BIRC6: variants seen among roughly 807,000 people sequenced by gnomAD.
The protein encoded by BIRC6 is dual E2 ubiquitin-conjugating enzyme/E3 ubiquitin-protein ligase BIRC6.
BIRC6 carries 98 observed loss-of-function variants against 503.3 expected under a neutral mutation model. The observed-to-expected ratio is 0.19, with a 90% confidence interval of 0.17 to 0.23. The LOEUF (loss-of-function observed/expected upper bound fraction) is 0.23. Ranked by LOEUF, BIRC6 falls within the 10% of genes least tolerant of loss-of-function variation. The probability of loss-of-function intolerance (pLI) is 1.00; values close to 1 mark genes in which losing one functional copy is unlikely to be tolerated. For synonymous variants in BIRC6, 2,240 were observed against 2,078.7 expected, an observed-to-expected ratio of 1.08 and a Z score of -2.11; for missense variants, 5,360 against 5,806.0, an observed-to-expected ratio of 0.92 and a Z score of 2.50.
At chr2:32,384,073 A>G (rs527576649) in intron 3 of BIRC6, among the ~76,000 whole-genome samples, 23 of 152,308 alleles carry the variant, frequency 1.5e-4, no homozygotes, top group Admixed American at 7.2e-4. Context: ...ACCCACTTCA[A>G]TGGAAGTGTT....
intron 65 of BIRC6, chr2:32,564,677 A>G (rs1247085422): frequency 6.6e-6 from 1 of 152,178 alleles, no homozygotes; most frequent in Non-Finnish European, 1.5e-5. Flanking sequence ...TCTCTGCCCC[A>G]TGAGTGGGGG....
intron 62 of BIRC6, among the ~76,000 whole-genome samples, chr2:32,544,859 A>G (rs1407365444): frequency 1.3e-5 from 2 of 151,918 alleles, no homozygotes; most frequent in Non-Finnish European, 2.9e-5. Context: ...GGAATTTCTA[A>G]TTACTTGATC....
chr2:32,421,112 CTT>C (rs779700746), intron 10 of BIRC6, among the ~76,000 whole-genome samples: 45 of 132,186 alleles, frequency 3.4e-4, no homozygotes, highest in Admixed American at 4.6e-4. Context: ...TTCTTTCTTT[CTT>C]TTTTTTTTTT....
At chr2:32,480,659 G>A (rs1416713602) in intron 37 of BIRC6, among the ~76,000 whole-genome samples, 1 of 44,956 alleles carries the variant, frequency 2.2e-5, no homozygotes, top group East Asian at 1.3e-3. Context: ...TTTTTTTTTT[G>A]AGACGGAGTC....
rs2056121000 is a variant in BIRC6, at chr2:32,524,895, A to G, written c.11631A>G (p.Pro3877=). The stretch of plus-strand genomic sequence containing the variant: ...GATAATATCTTCTTACAGATACTCC[A>G]AGTATCACAGCTAAATTAATTAGTG... The part of the protein sequence containing the change: ...SDVLDRVSDT[P]SITAKLISEQ... Residue 3877 remains proline (P), a synonymous_variant, in exon 58 of 74, where the codon CCA becomes CCG. Coordinates refer to ENST00000421745, the MANE Select transcript of BIRC6 (RefSeq NM_016252.4). The G allele has an allele frequency of 2.7e-6, 4 of 1,468,378 alleles. No homozygotes were observed. The highest frequency in any genetic ancestry group is 1.4e-5 in the South Asian group (1 of 73,844). The allele number at this position is 1,468,378 out of a possible 1,614,324, so 91.0% of individuals were successfully genotyped here. A position where few individuals can be genotyped will look rare whatever the true frequency, so the allele number is the denominator to read the frequency against.
chr2:32,613,233 C>G (rs1334295969), intron 73 of BIRC6, among the ~76,000 whole-genome samples: 3 of 152,026 alleles, frequency 2.0e-5, no homozygotes, highest in Middle Eastern at 3.4e-3. Context: ...CTGTCTCTCT[C>G]TGCCACTCAG....
At chr2:32,545,957 T>G in intron 63 of BIRC6, 97 bp downstream of exon 63, 2 of 1,100,052 alleles carry the variant, frequency 1.8e-6, no homozygotes, top group African/African-American at 1.6e-5. Context: ...TTCAGAGACT[T>G]GGGTGTTCCA....
chr2:32,483,888 A>T (rs913529017), intron 39 of BIRC6, among the ~76,000 whole-genome samples: 1 of 152,200 alleles, frequency 6.6e-6, no homozygotes, highest in Non-Finnish European at 1.5e-5. Context: ...TAACCACTTG[A>T]TGAATGAGTT....
rs184663110 is a variant in BIRC6 at position 32,581,890 on chromosome 2, T to C, written c.13355+6524T>C. ...TGTATTTATTTATTTTGAGACGGAG[T>C]CTTACTCTGTCACCCAGGATGGAGA... is the stretch of plus-strand genomic sequence containing the variant. On this transcript the variant is annotated intron_variant, in intron 66 of 73. Transcript: ENST00000421745. Among the ~76,000 whole-genome samples, 5 of 152,150 alleles carry C rather than the reference T, an allele frequency of 3.3e-5. No homozygotes were observed. In the East Asian group the frequency reaches 9.7e-4, roughly 29 times the overall value.
intron 22 of BIRC6, among the ~76,000 whole-genome samples, chr2:32,450,121 C>G (rs531292515): frequency 3.9e-5 from 6 of 152,146 alleles, no homozygotes; most frequent in African/African-American, 1.4e-4. Context: ...AAGGTTCATT[C>G]CAAGCTCTGA....
intron 55 of BIRC6, among the ~76,000 whole-genome samples, chr2:32,516,698 T>C (rs1280500672): frequency 6.6e-6 from 1 of 151,984 alleles, no homozygotes; most frequent in Non-Finnish European, 1.5e-5. Flanking sequence ...TTATTATTTA[T>C]CATAATAAAT....
chr2:32,497,682 A>G (rs1464145976), intron 45 of BIRC6, among the ~76,000 whole-genome samples: 1 of 151,986 alleles, frequency 6.6e-6, no homozygotes, highest in African/African-American at 2.4e-5. Context: ...TTCATTTCTG[A>G]TGTTGGTAAT....
chr2:32,591,443 G>C (rs2061375602), intron 66 of BIRC6, among the ~76,000 whole-genome samples: 2 of 151,988 alleles, frequency 1.3e-5, no homozygotes, highest in African/African-American at 4.8e-5. Context: ...TTTAAAAGTG[G>C]ATTTAGGAAA....
At chr2:32,512,876 A>G in intron 53 of BIRC6, 57 bp from the exon 54 acceptor site, 3 of 1,351,420 alleles carry the variant, frequency 2.2e-6, no homozygotes, top group Non-Finnish European at 3.2e-6. Context: ...ATTTATCTAT[A>G]TGAAATGCCA....
intron 3 of BIRC6, among the ~76,000 whole-genome samples, chr2:32,387,007 A>C (rs2038569196): frequency 6.6e-6 from 1 of 152,206 alleles, no homozygotes; most frequent in Non-Finnish European, 1.5e-5. Flanking sequence ...CTTTGGGCTG[A>C]AACTTTATTA....
Position 32,505,032 on chromosome 2 carries a change from C to T in BIRC6, c.9527C>T (p.Ala3176Val), listed in dbSNP as rs1169009104. 1 of 1,613,698 alleles carries T rather than the reference C, an allele frequency of 6.2e-7. No individual in the cohort carries two copies. Among genetic ancestry groups the T allele is most frequent in the Non-Finnish European group, 8.5e-7 (1 of 1,179,740 alleles). Residue 3176 changes from alanine (A) to valine (V), a missense_variant, in exon 50 of 74, where the codon GCC becomes GTC. Transcript: ENST00000421745. ...LGTITSSSPT[A>V]QPAEVLLQAT... ...ACAATCACATCTAGCAGTCCTACTG[C>T]CCAACCAGCTGAAGTGCTATTGCAG...
Position 32,509,908 on chromosome 2 carries a change from A to G in BIRC6, c.10151A>G (p.Lys3384Arg). The G allele has an allele frequency of 6.2e-7, 1 of 1,613,992 alleles. No homozygotes were observed. Among genetic ancestry groups the G allele is most frequent in the Non-Finnish European group, 8.5e-7 (1 of 1,179,888 alleles). ...CCCAACATCGAGGTTGTGCTTGTAA[A>G]GATAGGACTGCAGTCTACTAGAATT... ...HSPNIEVVLVKIGLQSTRIGL... is the reference protein window; with the variant it reads ...HSPNIEVVLVRIGLQSTRIGL... The change falls in exon 52 of 74, where the codon AAG becomes AGG. Residue 3384 changes from lysine (K) to arginine (R), a missense_variant. This residue lies in a region of BIRC6 where 878 missense variants were observed against 928.9 expected (regional missense o/e 0.95). Coordinates refer to ENST00000421745, the MANE Select transcript of BIRC6 (RefSeq NM_016252.4).
rs1384121780 is a variant in BIRC6 at position 32,577,848 on chromosome 2, C to T, written c.13355+2482C>T. Reference sequence around the variant, plus strand: ...ATTTGATTAACCGGATGAAATTATTCCATTTAAATTCTTTTATTCTTCAGC... The same window carrying T: ...ATTTGATTAACCGGATGAAATTATTTCATTTAAATTCTTTTATTCTTCAGC... On this transcript the variant is annotated intron_variant, in intron 66 of 73. Transcript: ENST00000421745. 5.3e-5 allele frequency among the ~76,000 whole-genome samples: 8 copies of T among 152,148 alleles called. No individual in the cohort carries two copies. In the East Asian group the frequency reaches 1.2e-3, roughly 22 times the overall value.
chr2:32,406,198 C>G (rs2041192895), intron 8 of BIRC6, among the ~76,000 whole-genome samples: 1 of 152,040 alleles, frequency 6.6e-6, no homozygotes, highest in Non-Finnish European at 1.5e-5. Flanking sequence ...TCAAGACCAG[C>G]CTGGGCAACA....
Sources: gnomAD v4.1 joint callset for allele counts (sites outside exome capture counted in the v4.1 genomes callset) on GRCh38, gnomAD v4.1.1 for gene constraint, gnomAD v4.1.1 regional missense constraint, MANE v1.5 for transcripts, NCBI Gene and HGNC (gene_info 2026-07-23, HGNC 2026-07-21) for gene names.